Variants in RAB28 observed in about 807,000 individuals in gnomAD.
The protein encoded by RAB28 is RAB28, member RAS oncogene family.
In RAB28, 24 loss-of-function variants were observed where a neutral mutation model predicts 31.7. The observed-to-expected ratio is 0.76, with a 90% CI of 0.55 to 1.06. RAB28 has a LOEUF of 1.06. Ranked by LOEUF, RAB28 falls within the 50% of genes least tolerant of loss-of-function variation. The pLI is 0.00. For missense variants in RAB28, 254 were observed against 258.5 expected (o/e 0.98, Z 0.12); for synonymous variants, 100 against 90.4 (o/e 1.11, Z -0.60).
At chr4:13,446,871 T>A (rs1442846401) in intron 4 of RAB28, among the ~76,000 whole-genome samples, 2 of 152,040 alleles carry the variant, frequency 1.3e-5, no homozygotes, top group Non-Finnish European at 1.5e-5. Context: ...TTACTAAACA[T>A]CTCCACATAT....
intron 4 of RAB28, among the ~76,000 whole-genome samples, chr4:13,445,608 G>A (rs1211689915): frequency 2.0e-5 from 3 of 151,888 alleles, no homozygotes; most frequent in Admixed American, 1.3e-4. Flanking sequence ...CTTCTAACAG[G>A]CCCCTCTTCT....
chr4:13,451,625 T>G (rs2108951790), intron 4 of RAB28, among the ~76,000 whole-genome samples: 1 of 152,046 alleles, frequency 6.6e-6, no homozygotes, highest in East Asian at 1.9e-4. Flanking sequence ...TGCCTATGTT[T>G]GTGAGGTCTT....
intron 4 of RAB28, among the ~76,000 whole-genome samples, chr4:13,443,439 T>C (rs1316516297): frequency 6.6e-6 from 1 of 152,232 alleles, no homozygotes; most frequent in Non-Finnish European, 1.5e-5. Flanking sequence ...CCCAGAGTGC[T>C]GGGATTACAG....
chr4:13,482,247 T>C (rs894055049), intron 1 of RAB28, among the ~76,000 whole-genome samples: 1 of 152,080 alleles, frequency 6.6e-6, no homozygotes. Context: ...TTATTCACAC[T>C]AAATTAGCAA....
intron 4 of RAB28, among the ~76,000 whole-genome samples, chr4:13,393,871 A>AG (rs1429586648): frequency 6.6e-6 from 1 of 151,916 alleles, no homozygotes; most frequent in African/African-American, 2.4e-5. Flanking sequence ...AAAAAAAAAA[A>AG]AAACAGTACA....
chr4:13,429,837 A>C (rs191118758), intron 4 of RAB28, among the ~76,000 whole-genome samples: 18 of 152,358 alleles, frequency 1.2e-4, no homozygotes, highest in African/African-American at 4.3e-4. Flanking sequence ...TCTGAAAAAG[A>C]AAAGTAGAGA....
At position 13,484,299 on chromosome 4, in the gene RAB28, T is replaced by C. The variant is rs1716770326; in HGVS notation, c.-149A>G. 2 of 645,044 alleles carry C rather than the reference T, an allele frequency of 3.1e-6. No individual in the cohort carries two copies. The highest frequency in any genetic ancestry group is 2.4e-5 in the Admixed American group (1 of 42,478). The allele number at this position is 645,044 out of a possible 1,614,324, so 40.0% of individuals were successfully genotyped here. On this transcript the variant is annotated 5_prime_UTR_variant, in exon 1 of 7. The change abolishes the stop of an existing upstream ORF in the 5' untranslated region. Coordinates refer to ENST00000330852, the MANE Select transcript of RAB28 (RefSeq NM_001017979.3). ...GCCGGCAGGAGGTATTCGAGGAGAA[T>C]CACTCGGCAAGCGCCATCTTGCCCA...
intron 4 of RAB28, among the ~76,000 whole-genome samples, chr4:13,446,734 A>G (rs894407456): frequency 2.6e-5 from 4 of 151,932 alleles, no homozygotes; most frequent in African/African-American, 9.7e-5. Flanking sequence ...GAAATGCGGA[A>G]ATCACCCACC....
intron 6 of RAB28, among the ~76,000 whole-genome samples, chr4:13,375,848 CA>C (rs1419620566): frequency 6.6e-6 from 1 of 151,374 alleles, no homozygotes; most frequent in African/African-American, 2.4e-5. Flanking sequence ...TAAAAGAATT[CA>C]AGAAAAATTT....
intron 4 of RAB28, among the ~76,000 whole-genome samples, chr4:13,404,313 G>A (rs1259275043): frequency 6.6e-6 from 1 of 151,456 alleles, no homozygotes; most frequent in East Asian, 1.9e-4. Flanking sequence ...GGGAGGCAGA[G>A]GTTGCAGTGA....
chr4:13,393,579 A>C lies in RAB28; in HGVS notation c.392-11985T>G, dbSNP rs537413280. On this transcript the variant is annotated intron_variant, in intron 4 of 6. Coordinates refer to ENST00000330852, the MANE Select transcript of RAB28 (RefSeq NM_001017979.3). ...ACTTTCATTGACTACACGGACTGAA[A>C]ACTCTTTGTTCCAAATTTAGAATCT... is the stretch of plus-strand genomic sequence containing the variant. Among the ~76,000 whole-genome samples, 325 of 152,240 alleles carry C rather than the reference A, an allele frequency of 2.1e-3. 3 individuals are homozygous for C. The highest frequency in any genetic ancestry group is 7.6e-3 in the African/African-American group (314 of 41,528).
At position 13,368,535 on chromosome 4, in the gene RAB28, A is replaced by G; in HGVS notation, c.*23T>C. 1.3e-6 allele frequency: 2 copies of G among 1,599,202 alleles called. No individual in the cohort carries two copies. The highest frequency in any genetic ancestry group is 2.2e-5 in the South Asian group (2 of 88,896). On this transcript the variant is annotated 3_prime_UTR_variant, in exon 7 of 7. Coordinates refer to ENST00000330852, the MANE Select transcript of RAB28 (RefSeq NM_001017979.3). Reference sequence around the variant, plus strand: ...CCAGAGGTGAAGGGCAGCCAGAACTATCAACACAAAAGAAAAATGCGCTCA... The same window carrying G: ...CCAGAGGTGAAGGGCAGCCAGAACTGTCAACACAAAAGAAAAATGCGCTCA...
intron 4 of RAB28, 74 bp from the exon 5 acceptor site, chr4:13,381,668 G>C: frequency 1.9e-6 from 2 of 1,076,264 alleles, no homozygotes; most frequent in Non-Finnish European, 2.7e-6. Flanking sequence ...GTTTAAATTT[G>C]ACTTGCTTTC....
chr4:13,472,189 C>T (rs1262407057), intron 3 of RAB28, among the ~76,000 whole-genome samples: 1 of 151,798 alleles, frequency 6.6e-6, no homozygotes, highest in East Asian at 1.9e-4. Context: ...CACTTGCCAT[C>T]TGGACTGAAG....
intron 5 of RAB28, among the ~76,000 whole-genome samples, chr4:13,377,192 G>A (rs576039534): frequency 3.9e-4 from 59 of 152,098 alleles, no homozygotes; most frequent in Non-Finnish European, 6.0e-4. Context: ...ATGCCATTAC[G>A]ATTAAACAAA....
At chr4:13,401,711 G>C (rs1350683714) in intron 4 of RAB28, among the ~76,000 whole-genome samples, 1 of 152,034 alleles carries the variant, frequency 6.6e-6, no homozygotes, top group Admixed American at 6.6e-5. Context: ...ATTTTGGCTA[G>C]AGATTTATCA....
At chr4:13,447,374 T>C (rs1005269812) in intron 4 of RAB28, among the ~76,000 whole-genome samples, 1 of 152,150 alleles carries the variant, frequency 6.6e-6, no homozygotes, top group Non-Finnish European at 1.5e-5. Flanking sequence ...TCCCTCCCTC[T>C]TTATATCTTA....
At chr4:13,471,466 C>A (rs939791094) in intron 3 of RAB28, among the ~76,000 whole-genome samples, 1 of 151,968 alleles carries the variant, frequency 6.6e-6, no homozygotes, top group Admixed American at 6.6e-5. Context: ...TATTTGGAAT[C>A]TCTGGAAAGC....
intron 6 of RAB28, among the ~76,000 whole-genome samples, chr4:13,372,529 G>A (rs1728757051): frequency 1.3e-5 from 2 of 152,030 alleles, no homozygotes; most frequent in South Asian, 2.1e-4. Flanking sequence ...TTTAAAAGGT[G>A]AATAGGAAAA....
Sources: gnomAD v4.1 joint callset for allele counts (sites outside exome capture counted in the v4.1 genomes callset) on GRCh38, gnomAD v4.1.1 for gene constraint, MANE v1.5 for transcripts, NCBI Gene and HGNC (gene_info 2026-07-23, HGNC 2026-07-21) for gene names.